MAOA: variants seen among roughly 807,000 people sequenced by gnomAD.
The protein encoded by MAOA is amine oxidase [flavin-containing] A.
In MAOA, 6 loss-of-function variants were observed where a neutral mutation model predicts 42.0. The ratio of observed to expected loss-of-function variants is 0.14; its 90% CI spans 0.08 to 0.28. MAOA has a LOEUF of 0.28. Ranked by LOEUF, MAOA falls within the 10% of genes least tolerant of loss-of-function variation. The pLI, the probability that MAOA is intolerant of heterozygous loss-of-function variation, is 1.00. For synonymous variants in MAOA, 140 were observed against 154.0 expected, an observed-to-expected ratio of 0.91 and a Z score of 0.67; for missense variants, 262 against 422.3, an observed-to-expected ratio of 0.62 and a Z score of 3.33.
intron 1 of MAOA, 86 bp downstream of exon 1, chrX:43,656,500 G>A: frequency 1.2e-6 from 1 of 867,460 alleles, no homozygotes; most frequent in Admixed American, 2.2e-5. Context: ...GTGTTTGGGG[G>A]TCTCTCATGC....
At chrX:43,656,279 TCCTTCCCAC>T, upstream of MAOA, 1 of 1,050,298 alleles carries the variant, frequency 9.5e-7, no homozygotes, top group Non-Finnish European at 1.3e-6. Flanking sequence ...GATAGAAGGG[TCCTTCCCAC>T]CCTTTGCCGT....
rs768932416 is a variant in MAOA at position 43,741,217 on chromosome X, C to T, written c.1164+479C>T. 1.1e-4 allele frequency among the ~76,000 whole-genome samples: 12 copies of T among 111,033 alleles called. No homozygotes were observed. The East Asian group carries it at 3.1e-3, about 29-fold the overall frequency. ...TTTTTCCATGTGTGAACTCAATTCACAACTCATTTAGGAATATCAGTGCTT... is the reference window on the plus strand; with the variant it reads ...TTTTTCCATGTGTGAACTCAATTCATAACTCATTTAGGAATATCAGTGCTT... On this transcript the variant is annotated intron_variant, in intron 11 of 14. Transcript: ENST00000338702.
At chrX:43,697,379 G>A (rs1465467085) in intron 3 of MAOA, among the ~76,000 whole-genome samples, 2 of 111,587 alleles carry the variant, frequency 1.8e-5, no homozygotes, top group Non-Finnish European at 3.8e-5. Context: ...TGACCCGGAA[G>A]CCTGAAAGAG....
chrX:43,668,260 A>G (rs1011226214), intron 1 of MAOA, among the ~76,000 whole-genome samples: 3 of 112,488 alleles, frequency 2.7e-5, no homozygotes, highest in Non-Finnish European at 5.6e-5. Flanking sequence ...ATTGAAAGGC[A>G]TTTACATTTC....
chrX:43,728,340 A>C, intron 6 of MAOA, 26 bp downstream of exon 6: 1 of 1,207,296 alleles, frequency 8.3e-7, no homozygotes, highest in Non-Finnish European at 1.1e-6. Context: ...GTCTGTTCTG[A>C]AACAAGAGCT....
chrX:43,727,057 A>AG (rs2033843029), intron 5 of MAOA, among the ~76,000 whole-genome samples: 1 of 111,771 alleles, frequency 8.9e-6, no homozygotes, highest in Non-Finnish European at 1.9e-5. Flanking sequence ...GCTTTGTCCC[A>AG]GGGGGGCACC....
intron 2 of MAOA, among the ~76,000 whole-genome samples, chrX:43,686,817 A>T (rs745952991): frequency 1.8e-5 from 2 of 111,630 alleles, no homozygotes; most frequent in Admixed American, 1.9e-4. Context: ...TAAAAATTTT[A>T]AAAAAGGAAA....
chrX:43,664,013 G>A (rs1312020020), intron 1 of MAOA, among the ~76,000 whole-genome samples: 1 of 112,278 alleles, frequency 8.9e-6, no homozygotes, highest in Non-Finnish European at 1.9e-5. Context: ...CCAGGCCAAT[G>A]TTCTGGAAAC....
intron 5 of MAOA, among the ~76,000 whole-genome samples, chrX:43,713,455 G>T (rs1772625713): frequency 9.0e-6 from 1 of 111,437 alleles, no homozygotes; most frequent in African/African-American, 3.3e-5. Flanking sequence ...TAATAAACCT[G>T]CACATGTACT....
At chrX:43,707,482 C>G (rs991939503) in intron 3 of MAOA, among the ~76,000 whole-genome samples, 2 of 111,692 alleles carry the variant, frequency 1.8e-5, no homozygotes, top group Non-Finnish European at 3.8e-5. Context: ...AAAGGACAGA[C>G]GTCTCCATGT....
At chrX:43,711,255 A>C (rs1425531339) in intron 3 of MAOA, among the ~76,000 whole-genome samples, 1 of 112,088 alleles carries the variant, frequency 8.9e-6, no homozygotes, top group East Asian at 2.8e-4. Flanking sequence ...AATTTCCCAG[A>C]AAGAAACCAG....
intron 3 of MAOA, among the ~76,000 whole-genome samples, chrX:43,696,160 G>C (rs1427045966): frequency 1.8e-5 from 2 of 111,869 alleles, no homozygotes; most frequent in African/African-American, 6.5e-5. Context: ...GAAATGTTAA[G>C]AGTAGCATCC....
At position 43,693,308 on chromosome X, in the gene MAOA, C is replaced by T. The variant is rs180855715; in HGVS notation, c.186C>T (p.Tyr62=). Reference sequence around the variant, plus strand: ...TTTTGCAGAATGAGCATGTTGATTACGTAGATGTTGGTGGAGCTTATGTGG... The same window carrying T: ...TTTTGCAGAATGAGCATGTTGATTATGTAGATGTTGGTGGAGCTTATGTGG... The part of the protein sequence containing the change: ...TYTIRNEHVD[Y]VDVGGAYVGP... The change falls in exon 3 of 15, where the codon TAC becomes TAT. Residue 62 remains tyrosine (Y), a synonymous_variant. Transcript: ENST00000338702. 4.1e-6 allele frequency: 5 copies of T among 1,209,021 alleles called. No homozygotes were observed. Among genetic ancestry groups the T allele is most frequent in the East Asian group, 3.0e-5 (1 of 33,735 alleles).
intron 2 of MAOA, among the ~76,000 whole-genome samples, chrX:43,685,264 A>C (rs912924591): frequency 7.2e-5 from 8 of 111,612 alleles, no homozygotes; most frequent in African/African-American, 2.3e-4. Flanking sequence ...GTTCTCATTC[A>C]AGGCTGAAAG....
chrX:43,705,083 A>G (rs1190233771), intron 3 of MAOA, among the ~76,000 whole-genome samples: 1 of 111,914 alleles, frequency 8.9e-6, no homozygotes, highest in Admixed American at 9.5e-5. Context: ...CAGTTTTTGC[A>G]GAAATTGGGA....
chrX:43,690,750 T>TG (rs1482834435), intron 2 of MAOA, among the ~76,000 whole-genome samples: 1 of 111,816 alleles, frequency 8.9e-6, no homozygotes, highest in Non-Finnish European at 1.9e-5. Flanking sequence ...ATAAGCTTTT[T>TG]TTTTCCTTTT....
intron 1 of MAOA, among the ~76,000 whole-genome samples, chrX:43,677,785 A>T (rs1413293535): frequency 1.8e-5 from 2 of 111,213 alleles, no homozygotes; most frequent in East Asian, 5.7e-4. Flanking sequence ...TGACCTCTCT[A>T]CTCTCATAGA....
chrX:43,737,270 A>G (rs1166036111), intron 10 of MAOA, among the ~76,000 whole-genome samples: 6 of 111,197 alleles, frequency 5.4e-5, no homozygotes, highest in Non-Finnish European at 9.4e-5. Flanking sequence ...GTTGTTAAAA[A>G]TAAACTCTAC....
At chrX:43,679,113 A>G (rs2033423298) in intron 1 of MAOA, among the ~76,000 whole-genome samples, 1 of 111,561 alleles carries the variant, frequency 9.0e-6, no homozygotes, top group Non-Finnish European at 1.9e-5. Context: ...TATTTCTTAA[A>G]CTAAGAATTT....
Sources: gnomAD v4.1 joint callset for allele counts (sites outside exome capture counted in the v4.1 genomes callset) on GRCh38, gnomAD v4.1.1 for gene constraint, MANE v1.5 for transcripts, NCBI Gene and HGNC (gene_info 2026-07-23, HGNC 2026-07-21) for gene names.